DLGAP2: variants seen among roughly 807,000 people sequenced by gnomAD.
DLGAP2 encodes the protein DLG associated protein 2.
In DLGAP2, 26 loss-of-function variants were observed where a neutral mutation model predicts 100.3. The ratio of observed to expected loss-of-function variants is 0.26; its 90% confidence interval spans 0.19 to 0.36. The LOEUF (loss-of-function observed/expected upper bound fraction) is 0.36, where lower values mean the gene tolerates loss of function less well. DLGAP2 is among the 10% of genes least tolerant of loss of function. The pLI, the probability that DLGAP2 is intolerant of heterozygous loss-of-function variation, is 1.00. For missense variants in DLGAP2, 1,858 were observed against 1,453.2 expected, an observed-to-expected ratio of 1.28 and a Z score of -4.53; for synonymous variants, 886 against 630.1, an observed-to-expected ratio of 1.41 and a Z score of -6.08.
intron 2 of DLGAP2, among the ~76,000 whole-genome samples, chr8:1,208,598 G>T (rs1170468149): frequency 7.6e-6 from 1 of 131,900 alleles, no homozygotes; most frequent in East Asian, 2.3e-4. Context: ...TACCACTTCT[G>T]TTCAACATAG....
chr8:1,449,617 C>T (rs145550176), intron 3 of DLGAP2, among the ~76,000 whole-genome samples: 319 of 152,272 alleles, frequency 2.1e-3, no homozygotes, highest in Middle Eastern at 3.4e-3. Flanking sequence ...GCATTCTGAA[C>T]GGGCAATGCT....
intron 2 of DLGAP2, among the ~76,000 whole-genome samples, chr8:977,182 A>T (rs75938901): frequency 0.012 from 1,827 of 152,250 alleles, 44 homozygotes; most frequent in African/African-American, 0.042. Flanking sequence ...AAATGTTGCA[A>T]ATGTTTCTGT....
chr8:1,568,100 G>T (rs1010359000), intron 6 of DLGAP2, among the ~76,000 whole-genome samples: 31 of 142,440 alleles, frequency 2.2e-4, no homozygotes, highest in Admixed American at 2.1e-3. Flanking sequence ...GTCTCTGCCT[G>T]TGGCCCCCAT....
At chr8:1,637,270 A>C (rs959896105) in intron 8 of DLGAP2, among the ~76,000 whole-genome samples, 5 of 152,178 alleles carry the variant, frequency 3.3e-5, no homozygotes, top group African/African-American at 1.2e-4. Context: ...TTTGGGAAGG[A>C]CATTTAGCTC....
intron 2 of DLGAP2, among the ~76,000 whole-genome samples, chr8:935,802 C>G (rs1799057607): frequency 6.6e-6 from 1 of 152,154 alleles, no homozygotes; most frequent in South Asian, 2.1e-4. Flanking sequence ...GGTGGAATTC[C>G]ACATAAACCT....
intron 6 of DLGAP2, among the ~76,000 whole-genome samples, chr8:1,625,595 G>C (rs1665435835): frequency 6.6e-6 from 1 of 152,146 alleles, no homozygotes; most frequent in African/African-American, 2.4e-5. Flanking sequence ...AGTGAGCCTT[G>C]TATTTTTTCT....
intron 2 of DLGAP2, among the ~76,000 whole-genome samples, chr8:931,462 C>G (rs889071111): frequency 6.6e-6 from 1 of 152,242 alleles, no homozygotes; most frequent in Non-Finnish European, 1.5e-5. Flanking sequence ...AATTCCCTGG[C>G]TACCCTGGGA....
At position 1,548,618 on chromosome 8, in the gene DLGAP2, C is replaced by T. The variant is rs553881806; in HGVS notation, c.173-8C>T. The T allele has an allele frequency of 6.7e-7, 1 of 1,491,390 alleles. No individual in the cohort carries two copies. The highest frequency in any genetic ancestry group is 1.3e-5 in the South Asian group (1 of 76,056). 92.4% of individuals were successfully genotyped at this position (1,491,390 alleles called of 1,614,324 possible). On this transcript the variant is annotated splice_polypyrimidine_tract_variant and splice_region_variant and intron_variant, in intron 4 of 14. Transcript: ENST00000637795. Reference sequence around the variant, plus strand: ...CGGGTGTTCAATGCCGTTTCTGTTTCCCCACAGACCCGCAGTACTCATGGT... The same window carrying T: ...CGGGTGTTCAATGCCGTTTCTGTTTTCCCACAGACCCGCAGTACTCATGGT...
intron 2 of DLGAP2, among the ~76,000 whole-genome samples, chr8:1,182,416 G>T (rs887583285): frequency 2.6e-5 from 4 of 152,212 alleles, no homozygotes; most frequent in African/African-American, 9.6e-5. Context: ...GGACCTGAGC[G>T]TGCATTTAAT....
chr8:1,163,629 G>C (rs537809287), intron 2 of DLGAP2, among the ~76,000 whole-genome samples: 168 of 152,360 alleles, frequency 1.1e-3, no homozygotes, highest in Non-Finnish European at 1.9e-3. Context: ...CGCAGGGCCC[G>C]GGAGAGGCTG....
intron 2 of DLGAP2, among the ~76,000 whole-genome samples, chr8:980,731 G>T (rs1800307427): frequency 6.6e-6 from 1 of 152,108 alleles, no homozygotes; most frequent in Non-Finnish European, 1.5e-5. Context: ...GGACACGCTG[G>T]CTCAGCTGAG....
At chr8:951,474 C>T (rs980242262) in intron 2 of DLGAP2, among the ~76,000 whole-genome samples, 1 of 152,168 alleles carries the variant, frequency 6.6e-6, no homozygotes, top group East Asian at 1.9e-4. Flanking sequence ...GGGTCTTGAA[C>T]TCCTGACCTC....
intron 4 of DLGAP2, among the ~76,000 whole-genome samples, chr8:1,536,925 C>T (rs989531134): frequency 6.6e-6 from 1 of 152,076 alleles, no homozygotes; most frequent in South Asian, 2.1e-4. Context: ...CTGCTTGCTG[C>T]GGGCCTGGCA....
chr8:1,342,896 C>T (rs141242134), intron 3 of DLGAP2, among the ~76,000 whole-genome samples: 13 of 152,254 alleles, frequency 8.5e-5, no homozygotes, highest in South Asian at 6.2e-4. Context: ...TGCTTTCTGC[C>T]GTCTTTGCCG....
intron 3 of DLGAP2, among the ~76,000 whole-genome samples, chr8:1,464,890 C>T (rs968283929): frequency 3.3e-5 from 5 of 151,518 alleles, no homozygotes; most frequent in Non-Finnish European, 7.4e-5. Context: ...AATCACTCTT[C>T]ACAAAAAAAA....
At chr8:1,458,153 G>A (rs994885029) in intron 3 of DLGAP2, among the ~76,000 whole-genome samples, 9 of 151,156 alleles carry the variant, frequency 6.0e-5, no homozygotes, top group Non-Finnish European at 1.2e-4. Context: ...TGATCCACCC[G>A]CCTCGGCCTC....
At chr8:1,351,710 C>A (rs1206677126) in intron 3 of DLGAP2, among the ~76,000 whole-genome samples, 1 of 49,556 alleles carries the variant, frequency 2.0e-5, no homozygotes, top group Non-Finnish European at 4.0e-5. Flanking sequence ...CGTGGAAAGG[C>A]CATGCGGGTC....
intron 4 of DLGAP2, among the ~76,000 whole-genome samples, chr8:1,519,704 C>T (rs989623398): frequency 1.2e-4 from 19 of 152,204 alleles, no homozygotes; most frequent in African/African-American, 4.1e-4. Flanking sequence ...GCCTGGGATC[C>T]GTATGCACTT....
At chr8:1,072,965 A>G (rs1262362005) in intron 2 of DLGAP2, among the ~76,000 whole-genome samples, 2 of 152,180 alleles carry the variant, frequency 1.3e-5, no homozygotes, top group Non-Finnish European at 2.9e-5. Context: ...TATGTGACAC[A>G]TTAGGATTTT....
Sources: allele counts gnomAD v4.1 joint callset (sites outside exome capture counted in the v4.1 genomes callset), GRCh38; gene constraint gnomAD v4.1.1; transcripts MANE v1.5; gene names NCBI Gene and HGNC (gene_info 2026-07-23, HGNC 2026-07-21).